MTUS2: variants seen among roughly 807,000 people sequenced by gnomAD.
The protein encoded by MTUS2 is microtubule associated scaffold protein 2, also known as microtubule-associated tumor suppressor candidate 2.
In MTUS2, 40 loss-of-function variants were observed where a neutral mutation model predicts 114.1. The ratio of observed to expected loss-of-function variants is 0.35; its 90% CI spans 0.27 to 0.46. MTUS2 has a LOEUF of 0.46. MTUS2 is among the 20% of genes least tolerant of loss of function. The pLI, the probability that MTUS2 is intolerant of heterozygous loss-of-function variation, is 1.00. For missense variants in MTUS2, 1,679 were observed against 1,705.4 expected (o/e 0.98, Z 0.27); for synonymous variants, 688 against 672.0 (o/e 1.02, Z -0.37).
intron 9 of MTUS2, among the ~76,000 whole-genome samples, chr13:29,468,818 A>G (rs1353179341): frequency 6.6e-6 from 1 of 152,198 alleles, no homozygotes; most frequent in Non-Finnish European, 1.5e-5. Flanking sequence ...TATGAAACTC[A>G]TACAGATGCC....
intron 8 of MTUS2, among the ~76,000 whole-genome samples, chr13:29,417,603 C>T (rs1417954157): frequency 6.6e-6 from 1 of 152,020 alleles, no homozygotes; most frequent in Non-Finnish European, 1.5e-5. Flanking sequence ...GTAATTTAAT[C>T]TTCATTTTTG....
chr13:29,217,515 T>G (rs1439186228), intron 5 of MTUS2, among the ~76,000 whole-genome samples: 1 of 152,234 alleles, frequency 6.6e-6, no homozygotes, highest in Non-Finnish European at 1.5e-5. Flanking sequence ...AAATACTTTA[T>G]TGTTGAAAAT....
intron 2 of MTUS2, among the ~76,000 whole-genome samples, chr13:28,902,168 A>G (rs1879685030): frequency 6.6e-6 from 1 of 152,176 alleles, no homozygotes; most frequent in Non-Finnish European, 1.5e-5. Flanking sequence ...TGATATTTAC[A>G]TGTTGATCAT....
intron 5 of MTUS2, among the ~76,000 whole-genome samples, chr13:29,104,651 C>T (rs1027917789): frequency 1.9e-4 from 29 of 152,152 alleles, no homozygotes; most frequent in African/African-American, 6.3e-4. Flanking sequence ...GCATGTGTAT[C>T]GTGCCTCCAG....
At chr13:28,896,301 A>G (rs1879261091) in intron 2 of MTUS2, among the ~76,000 whole-genome samples, 1 of 152,188 alleles carries the variant, frequency 6.6e-6, no homozygotes, top group Non-Finnish European at 1.5e-5. Flanking sequence ...CCCATTCACA[A>G]TTGCTTCAAA....
intron 5 of MTUS2, among the ~76,000 whole-genome samples, chr13:29,194,502 C>A (rs1381859772): frequency 2.0e-5 from 3 of 152,176 alleles, no homozygotes; most frequent in African/African-American, 7.2e-5. Flanking sequence ...AAATGCTCAC[C>A]ATCACTGGCC....
At chr13:29,012,698 C>T (rs1017892625) in intron 2 of MTUS2, among the ~76,000 whole-genome samples, 1 of 152,004 alleles carries the variant, frequency 6.6e-6, no homozygotes, top group African/African-American at 2.4e-5. Flanking sequence ...ACGGTGCAAC[C>T]CCCATCTCCA....
At chr13:29,472,016 C>T (rs772692319) in intron 9 of MTUS2, among the ~76,000 whole-genome samples, 2 of 152,054 alleles carry the variant, frequency 1.3e-5, no homozygotes, top group Admixed American at 6.6e-5. Flanking sequence ...ACTCTTGGTC[C>T]ATGAACTTTC....
intron 6 of MTUS2, among the ~76,000 whole-genome samples, chr13:29,292,905 G>A (rs1290470285): frequency 6.6e-6 from 1 of 152,074 alleles, no homozygotes; most frequent in East Asian, 1.9e-4. Context: ...ATTGCATCAG[G>A]AGAGAGAAAC....
chr13:28,823,160 C>G (rs1187884272), intron 1 of MTUS2, among the ~76,000 whole-genome samples: 1 of 152,240 alleles, frequency 6.6e-6, no homozygotes, highest in Non-Finnish European at 1.5e-5. Flanking sequence ...TTAATAGGAA[C>G]AGATAGCATC....
At chr13:28,943,366 A>T (rs931867435) in intron 2 of MTUS2, among the ~76,000 whole-genome samples, 1 of 152,222 alleles carries the variant, frequency 6.6e-6, no homozygotes, top group Non-Finnish European at 1.5e-5. Context: ...AGTGAACCCC[A>T]TCAGGATTAC....
chr13:28,822,992 T>C (rs1304449992), intron 1 of MTUS2, among the ~76,000 whole-genome samples: 1 of 152,106 alleles, frequency 6.6e-6, no homozygotes, highest in Non-Finnish European at 1.5e-5. Flanking sequence ...CGCACACACA[T>C]GGGATTGTTT....
intron 4 of MTUS2, among the ~76,000 whole-genome samples, chr13:29,081,485 T>C (rs1358143094): frequency 1.3e-5 from 2 of 152,032 alleles, no homozygotes. Context: ...TTCCATTGAA[T>C]CCCTTGTTCA....
chr13:28,832,321 C>T (rs2137954639), intron 1 of MTUS2, among the ~76,000 whole-genome samples: 1 of 151,996 alleles, frequency 6.6e-6, no homozygotes, highest in East Asian at 1.9e-4. Context: ...AGAATATGTT[C>T]CCTGACCACA....
chr13:29,442,897 C>A (rs923439767), intron 9 of MTUS2, among the ~76,000 whole-genome samples: 4 of 150,518 alleles, frequency 2.7e-5, no homozygotes, highest in Admixed American at 1.3e-4. Flanking sequence ...ATTTATAGCT[C>A]CTGCTGCCTT....
chr13:29,392,216 C>A (rs1442970507), intron 8 of MTUS2, among the ~76,000 whole-genome samples: 1 of 151,118 alleles, frequency 6.6e-6, no homozygotes, highest in African/African-American at 2.4e-5. Context: ...TGAATAATAA[C>A]TCCCCATTCC....
intron 2 of MTUS2, among the ~76,000 whole-genome samples, chr13:28,982,745 T>C (rs1010649906): frequency 6.6e-6 from 1 of 152,208 alleles, no homozygotes; most frequent in Admixed American, 6.5e-5. Flanking sequence ...CTTGAGCATA[T>C]TAGCGTATTA....
Position 29,026,565 on chromosome 13 carries a change from A to G in MTUS2, c.1867A>G (p.Thr623Ala). ...AATGGAGAACTATCAGGTTGAAAAA[A>G]CAGAGGAGAGGACAGAAACTAAGCC... Reference protein sequence around the residue: ...EGMENYQVEKTEERTETKPII... With the variant: ...EGMENYQVEKAEERTETKPII... The change falls in exon 3 of 16, where the codon ACA (threonine) becomes GCA (alanine). Residue 623 changes from threonine (T) to alanine (A), a missense_variant. By Grantham distance (58) the Thr-to-Ala change is moderately conservative (BLOSUM62 0). Transcript: ENST00000612955. 6.2e-7 allele frequency: 1 copy of G among 1,613,930 alleles called. No homozygotes were observed. The highest frequency in any genetic ancestry group is 8.5e-7 in the Non-Finnish European group (1 of 1,179,874).
chr13:29,421,529 AC>A (rs150254931), intron 8 of MTUS2, among the ~76,000 whole-genome samples: 3,186 of 152,270 alleles, frequency 0.021, 118 homozygotes, highest in African/African-American at 0.073. Flanking sequence ...CCACAGAGCC[AC>A]CTTCGGCTTT....
Sources: allele counts gnomAD v4.1 joint callset (sites outside exome capture counted in the v4.1 genomes callset), GRCh38; gene constraint gnomAD v4.1.1; transcripts MANE v1.5; gene names NCBI Gene and HGNC (gene_info 2026-07-23, HGNC 2026-07-21).